Variants in TENM2 observed in about 807,000 individuals in gnomAD.
The protein encoded by TENM2 is teneurin-2.
Under a neutral mutation model 245.2 loss-of-function variants are expected in TENM2, and 52 were observed. The ratio of observed to expected loss-of-function variants is 0.21; its 90% CI spans 0.17 to 0.27. The LOEUF is 0.27. TENM2 is among the 10% of genes least tolerant of loss of function. The pLI is 1.00. For synonymous variants in TENM2, 1,363 were observed against 1,438.9 expected, an observed-to-expected ratio of 0.95 and a Z score of 1.19; for missense variants, 3,046 against 3,666.8, an observed-to-expected ratio of 0.83 and a Z score of 4.37.
chr5:167,741,111 T>C (rs1761147844), intron 2 of TENM2, among the ~76,000 whole-genome samples: 2 of 152,206 alleles, frequency 1.3e-5, no homozygotes, highest in South Asian at 2.1e-4. Flanking sequence ...AGAAGTTACC[T>C]CCTTGAAAAA....
intron 27 of TENM2, among the ~76,000 whole-genome samples, chr5:168,254,771 T>C (rs534727083): frequency 1.3e-5 from 2 of 152,210 alleles, no homozygotes; most frequent in Admixed American, 6.5e-5. Flanking sequence ...TCTCAGCCAG[T>C]TGCGGTGGCT....
chr5:167,164,912 T>C, the TENM2 span: 1 of 152,196 alleles, frequency 6.6e-6, no homozygotes, highest in Admixed American at 6.5e-5. Context: ...GACCCAAAGA[T>C]TTTGATGATA....
At chr5:167,139,600 T>C in the TENM2 span, among the ~76,000 whole-genome samples, 1 of 152,252 alleles carries the variant, frequency 6.6e-6, no homozygotes, top group Non-Finnish European at 1.5e-5. Flanking sequence ...ATTTTTATAA[T>C]GTAAACATTT....
chr5:167,346,546 G>C (rs1758466927), intron 1 of TENM2, among the ~76,000 whole-genome samples: 1 of 152,144 alleles, frequency 6.6e-6, no homozygotes, highest in African/African-American at 2.4e-5. Flanking sequence ...AGTTCTCCGA[G>C]GTCATTTCAT....
chr5:167,356,187 C>CAAAAAAA (rs58804392), intron 1 of TENM2, among the ~76,000 whole-genome samples: 36 of 74,014 alleles, frequency 4.9e-4, no homozygotes, highest in Non-Finnish European at 7.2e-4. Flanking sequence ...GACTCCATCT[C>CAAAAAAA]AAAAAAAAAA....
intron 25 of TENM2, among the ~76,000 whole-genome samples, chr5:168,234,723 A>ATGAT (rs1251944799): frequency 6.6e-6 from 1 of 152,176 alleles, no homozygotes; most frequent in African/African-American, 2.4e-5. Flanking sequence ...CTTGTGCAGG[A>ATGAT]TGATTCTCTT....
rs1183252930 is a variant in TENM2 at position 167,725,054 on chromosome 5, G to A, written c.503-150932G>A. 3.3e-5 allele frequency among the ~76,000 whole-genome samples: 5 copies of A among 151,950 alleles called. No homozygotes were observed. The East Asian group carries it at 9.6e-4, about 29-fold the overall frequency. Reference sequence around the variant, plus strand: ...ATATTTATTCTCCATTAAAATAAAGGGTATGAGCAAAGTTATGTTCAAATA... The same window carrying A: ...ATATTTATTCTCCATTAAAATAAAGAGTATGAGCAAAGTTATGTTCAAATA... On this transcript the variant is annotated intron_variant, in intron 2 of 28. Coordinates refer to ENST00000518659, the Ensembl canonical transcript of TENM2.
intron 2 of TENM2, among the ~76,000 whole-genome samples, chr5:167,445,786 A>G: frequency 6.6e-6 from 1 of 152,078 alleles, no homozygotes; most frequent in Non-Finnish European, 1.5e-5. Context: ...TCCCTCACTC[A>G]ATGGTGTAAC....
chr5:167,685,795 C>T (rs1216415114), intron 2 of TENM2, among the ~76,000 whole-genome samples: 1 of 152,126 alleles, frequency 6.6e-6, no homozygotes, highest in Non-Finnish European at 1.5e-5. Context: ...GGCACATTTG[C>T]CTTTGCAAAA....
chr5:167,681,784 T>C (rs1582737029), intron 2 of TENM2, among the ~76,000 whole-genome samples: 2 of 152,280 alleles, frequency 1.3e-5, no homozygotes, highest in Admixed American at 1.3e-4. Context: ...TTCCATATCC[T>C]CATCAAAACT....
the TENM2 span, among the ~76,000 whole-genome samples, chr5:167,236,766 G>A: frequency 1.3e-5 from 2 of 152,150 alleles, no homozygotes; most frequent in South Asian, 4.1e-4. Flanking sequence ...GAACATCCAC[G>A]GTATCAAAGG....
chr5:167,094,575 T>A, the TENM2 span, among the ~76,000 whole-genome samples: 1 of 152,208 alleles, frequency 6.6e-6, no homozygotes, highest in African/African-American at 2.4e-5. Flanking sequence ...TATCACTAAT[T>A]TTTTCAATAT....
chr5:167,188,536 A>G, the TENM2 span, among the ~76,000 whole-genome samples: 1 of 152,004 alleles, frequency 6.6e-6, no homozygotes, highest in Non-Finnish European at 1.5e-5. Context: ...GAAAGAGACC[A>G]TTTTTTTCCC....
At position 168,262,385 on chromosome 5, in the gene TENM2, C is replaced by G. The variant is rs771766173; in HGVS notation, c.7900C>G (p.Leu2634Val). 3 of 1,598,410 alleles carry G rather than the reference C, an allele frequency of 1.9e-6. No homozygotes were observed. In the East Asian group the frequency reaches 6.8e-5, roughly 36 times the overall value. ...CTCAGCCGATGGCGACCTGGTCACA[C>G]TAGGCACCACCATCGGCCGCAAGGT... The change falls in exon 29 of 29, where the codon CTA becomes GTA. Residue 2634 changes from leucine to valine, a missense_variant. Around this residue, in one of 2 missense-constraint regions of TENM2, gnomAD observed 2,704 missense variants for 3,331.9 expected, o/e 0.81. Transcript: ENST00000518659.
the TENM2 span, among the ~76,000 whole-genome samples, chr5:167,065,178 T>C: frequency 2.6e-5 from 4 of 152,190 alleles, no homozygotes; most frequent in East Asian, 7.7e-4. Flanking sequence ...TCCCTCACTT[T>C]TGTTGATGCC....
intron 2 of TENM2, among the ~76,000 whole-genome samples, chr5:167,819,170 GC>G (rs1403132255): frequency 6.6e-6 from 1 of 152,008 alleles, no homozygotes; most frequent in Non-Finnish European, 1.5e-5. Context: ...AATTCCCATT[GC>G]TTTTCTAATG....
intron 5 of TENM2, among the ~76,000 whole-genome samples, chr5:168,003,193 C>T (rs539218764): frequency 1.3e-5 from 2 of 152,188 alleles, no homozygotes; most frequent in Admixed American, 1.3e-4. Flanking sequence ...AAGGGTCTAA[C>T]CAATGTACAA....
chr5:167,860,373 G>T (rs1172510444), intron 2 of TENM2, among the ~76,000 whole-genome samples: 46 of 93,542 alleles, frequency 4.9e-4, no homozygotes, highest in African/African-American at 2.2e-3. Flanking sequence ...AGGTTGGGGG[G>T]TCAGCCCCCC....
At chr5:168,185,140 T>C (rs1760272691) in intron 13 of TENM2, 1 of 152,240 alleles carries the variant, frequency 6.6e-6, no homozygotes, top group Admixed American at 6.5e-5. Context: ...CTTACCCCTG[T>C]TGATGGGTGT....
Sources: gnomAD v4.1 joint callset for allele counts (sites outside exome capture counted in the v4.1 genomes callset) on GRCh38, gnomAD v4.1.1 for gene constraint, gnomAD v4.1.1 regional missense constraint, MANE v1.5 for transcripts, NCBI Gene and HGNC (gene_info 2026-07-23, HGNC 2026-07-21) for gene names.